MARK1: variants seen among roughly 807,000 people sequenced by gnomAD.
MARK1 encodes the protein serine/threonine-protein kinase MARK1.
In MARK1, 40 loss-of-function variants were observed where a neutral mutation model predicts 96.3. That is an observed-to-expected ratio of 0.42 (90% CI 0.32 to 0.54). MARK1 has a LOEUF of 0.54. Ranked by LOEUF, MARK1 falls within the 20% of genes least tolerant of loss-of-function variation. The pLI, the probability that MARK1 is intolerant of heterozygous loss-of-function variation, is 0.16. For missense variants in MARK1, 719 were observed against 984.6 expected (o/e 0.73, Z 3.61); for synonymous variants, 317 against 341.2 (o/e 0.93, Z 0.78).
intron 3 of MARK1, among the ~76,000 whole-genome samples, chr1:220,587,838 A>C (rs1051890472): frequency 6.6e-6 from 1 of 152,130 alleles, no homozygotes; most frequent in African/African-American, 2.4e-5. Context: ...TGTTTTTACT[A>C]TACAGATAAT....
intron 3 of MARK1, among the ~76,000 whole-genome samples, chr1:220,587,145 G>A (rs1464874207): frequency 1.3e-5 from 2 of 151,754 alleles, no homozygotes; most frequent in South Asian, 4.2e-4. Flanking sequence ...ACATATGATT[G>A]TACTTAAAAT....
intron 3 of MARK1, among the ~76,000 whole-genome samples, chr1:220,596,496 T>C (rs1665363163): frequency 1.3e-5 from 2 of 152,220 alleles, no homozygotes; most frequent in Non-Finnish European, 2.9e-5. Context: ...ATTAAAGTTG[T>C]AAGTATCATG....
At chr1:220,589,588 G>A (rs1173536440) in intron 3 of MARK1, among the ~76,000 whole-genome samples, 3 of 152,154 alleles carry the variant, frequency 2.0e-5, no homozygotes, top group African/African-American at 7.2e-5. Context: ...AACTAGAATA[G>A]CTGTGATATA....
chr1:220,603,462 G>A lies in MARK1; in HGVS notation c.425-605G>A, dbSNP rs182151106. On this transcript the variant is annotated intron_variant, in intron 5 of 17. Transcript: ENST00000366917. ...TATGATGATTTTCAAGTAATTTACA[G>A]TTCAGCTGGGGTATTAGAGATACAC... Among the ~76,000 whole-genome samples, 11 of 152,174 alleles carry A rather than the reference G, an allele frequency of 7.2e-5. No homozygotes were observed. In the East Asian group the frequency reaches 2.1e-3, roughly 29 times the overall value.
At position 220,618,072 on chromosome 1, in the gene MARK1, A is replaced by C. The variant is rs1666856960; in HGVS notation, c.553-238A>C. 6.6e-6 allele frequency among the ~76,000 whole-genome samples: 1 copy of C among 152,212 alleles called. No individual in the cohort carries two copies. Among genetic ancestry groups the C allele is most frequent in the Non-Finnish European group, 1.5e-5 (1 of 68,044 alleles). On this transcript the variant is annotated intron_variant, in intron 7 of 17. Coordinates refer to ENST00000366917, the MANE Select transcript of MARK1 (RefSeq NM_018650.5). This position sits in a 1 kb window ranked among gnomAD's most constrained non-coding sequence, Gnocchi z 4.6. ...AATAGGTTTTAAATAACCTTTCTTAAGTAGTTGCATATATGCATATAAAGA... is the reference window on the plus strand; with the variant it reads ...AATAGGTTTTAAATAACCTTTCTTACGTAGTTGCATATATGCATATAAAGA...
At chr1:220,636,897 C>T (rs1667994484) in intron 13 of MARK1, among the ~76,000 whole-genome samples, 1 of 147,482 alleles carries the variant, frequency 6.8e-6, no homozygotes, top group Non-Finnish European at 1.5e-5. Flanking sequence ...AGCGAGACTC[C>T]GTTTAAAAAA....
chr1:220,626,463 A>G, intron 9 of MARK1: 5 of 540,146 alleles, frequency 9.3e-6, no homozygotes, highest in South Asian at 5.5e-5. Flanking sequence ...TTTCAAGTTC[A>G]GTGCTCTTAC....
chr1:220,635,686 G>C (rs183446132), intron 12 of MARK1, 147 bp from the exon 13 acceptor site: 1 of 1,136,838 alleles, frequency 8.8e-7, no homozygotes, highest in African/African-American at 1.6e-5. Context: ...TGCAGGGACT[G>C]ACCTGATTTT....
chr1:220,565,893 A>G (rs975797394), intron 1 of MARK1, among the ~76,000 whole-genome samples: 3 of 152,200 alleles, frequency 2.0e-5, no homozygotes, highest in Admixed American at 2.0e-4. Flanking sequence ...ACTCAGCCCC[A>G]AGAGGAATCC....
At position 220,555,533 on chromosome 1, in the gene MARK1, A is replaced by T. The variant is rs1341888549; in HGVS notation, c.52-23821A>T. ...GTGACGTGTTTTGGAGCTAAGGTTG[A>T]TTGCCTTTGCTTATGGGACTTGATT... On this transcript the variant is annotated intron_variant, in intron 1 of 17. Coordinates refer to ENST00000366917, the MANE Select transcript of MARK1 (RefSeq NM_018650.5). 2.6e-5 allele frequency among the ~76,000 whole-genome samples: 4 copies of T among 152,142 alleles called. No individual in the cohort carries two copies. In the South Asian group the frequency reaches 6.2e-4, roughly 24 times the overall value.
In MARK1 at chr1:220,599,837, AT is replaced by A; in HGVS notation, c.401del (p.Leu134Ter). On this transcript the variant is annotated frameshift_variant, in exon 5 of 18. Transcript: ENST00000366917. LOFTEE classifies it high-confidence loss of function. ...GTTATTGAAACAGAGAAGACTCTCT[AT>A]TTAGTCATGGAATACGCGAGTGGGG... ...FEVIETEKTL[Y>X]LVMEYASGGE... 6.2e-7 allele frequency: 1 copy of A among 1,609,430 alleles called. No individual in the cohort carries two copies. The highest frequency in any genetic ancestry group is 8.5e-7 in the Non-Finnish European group (1 of 1,177,242).
chr1:220,595,217 A>G (rs886925545), intron 3 of MARK1, among the ~76,000 whole-genome samples: 5 of 152,200 alleles, frequency 3.3e-5, no homozygotes, highest in African/African-American at 1.2e-4. Flanking sequence ...ATATGTATGT[A>G]TGTATATGTA....
At chr1:220,605,579 A>G (rs902835088) in intron 6 of MARK1, among the ~76,000 whole-genome samples, 3 of 151,812 alleles carry the variant, frequency 2.0e-5, no homozygotes, top group Admixed American at 6.6e-5. Flanking sequence ...GGTTTGATAC[A>G]TAGGTATACA....
At chr1:220,564,306 C>T (rs1056672927) in intron 1 of MARK1, among the ~76,000 whole-genome samples, 5 of 152,000 alleles carry the variant, frequency 3.3e-5, no homozygotes, top group African/African-American at 1.2e-4. Flanking sequence ...CTGGGGAAGC[C>T]CAGTCGTAGG....
chr1:220,656,787 A>T (rs1669201171), intron 16 of MARK1, among the ~76,000 whole-genome samples: 1 of 151,172 alleles, frequency 6.6e-6, no homozygotes, highest in Non-Finnish European at 1.5e-5. Context: ...CAGATAGAAA[A>T]ATTTTTTTTT....
At position 220,579,569 on chromosome 1, in the gene MARK1, C is replaced by T; in HGVS notation, c.255+12C>T. 2 of 1,611,132 alleles carry T rather than the reference C, an allele frequency of 1.2e-6. No individual in the cohort carries two copies. The highest frequency in any genetic ancestry group is 1.7e-6 in the Non-Finnish European group (2 of 1,177,518). Reference sequence around the variant, plus strand: ...TAACTGGTAGAGAGGTAAGTTTGCACAATGCCTTTTAATATCTGCCTGGAC... The same window carrying T: ...TAACTGGTAGAGAGGTAAGTTTGCATAATGCCTTTTAATATCTGCCTGGAC... On this transcript the variant is annotated intron_variant, in intron 2 of 17. Transcript: ENST00000366917.
rs113727080 is a variant in MARK1 at position 220,598,919 on chromosome 1, C to T, written c.358+540C>T. On this transcript the variant is annotated intron_variant, in intron 4 of 17. Coordinates refer to ENST00000366917, the MANE Select transcript of MARK1 (RefSeq NM_018650.5). ...GCTTGAGCCTGGGAGGTGGAGGTTG[C>T]AGCGAGCCAAGATCGCACCACTGCA... Among the ~76,000 whole-genome samples, 29 of 151,960 alleles carry T rather than the reference C, an allele frequency of 1.9e-4. 1 individual carries two copies. The highest frequency in any genetic ancestry group is 7.0e-4 in the African/African-American group (29 of 41,396).
At chr1:220,611,422 C>T (rs140714556) in intron 6 of MARK1, among the ~76,000 whole-genome samples, 10,089 of 152,304 alleles carry the variant, frequency 0.066, 402 homozygotes, top group Middle Eastern at 0.15. Flanking sequence ...GTTGCTAAGA[C>T]CTTGGGAAAA....
intron 17 of MARK1, among the ~76,000 whole-genome samples, chr1:220,658,397 T>C (rs992467608): frequency 1.3e-5 from 2 of 152,200 alleles, no homozygotes; most frequent in African/African-American, 2.4e-5. Context: ...AAAAGGTTGC[T>C]GGATCCCACT....
Sources: allele counts gnomAD v4.1 joint callset (sites outside exome capture counted in the v4.1 genomes callset), GRCh38; gene constraint gnomAD v4.1.1; non-coding constraint Gnocchi (gnomAD v3.1); transcripts MANE v1.5; gene names NCBI Gene and HGNC (gene_info 2026-07-23, HGNC 2026-07-21).